SLC8A1: variants seen among roughly 807,000 people sequenced by gnomAD.
SLC8A1 encodes solute carrier family 8 member A1, also known as sodium/calcium exchanger 1.
In SLC8A1, 18 loss-of-function variants were observed where a neutral mutation model predicts 68.3. The ratio of observed to expected loss-of-function variants is 0.26; its 90% CI spans 0.18 to 0.39. The LOEUF (loss-of-function observed/expected upper bound fraction) is 0.39, where lower values mean the gene tolerates loss of function less well. Ranked by LOEUF, SLC8A1 falls within the 10% of genes least tolerant of loss-of-function variation. SLC8A1 has a pLI of 1.00. For synonymous variants in SLC8A1, 475 were observed against 415.5 expected, an observed-to-expected ratio of 1.14 and a Z score of -1.74; for missense variants, 985 against 1,156.7, an observed-to-expected ratio of 0.85 and a Z score of 2.15.
At chr2:40,356,421 A>T (rs1425830926) in intron 2 of SLC8A1, among the ~76,000 whole-genome samples, 1 of 152,194 alleles carries the variant, frequency 6.6e-6, no homozygotes, top group Non-Finnish European at 1.5e-5. Context: ...AAAACAATTT[A>T]TAATGCATTT....
intron 2 of SLC8A1, among the ~76,000 whole-genome samples, chr2:40,196,717 C>T (rs534435699): frequency 6.6e-4 from 101 of 152,114 alleles, no homozygotes; most frequent in African/African-American, 2.3e-3. Flanking sequence ...AAAAATAACC[C>T]TTTTCTTTCA....
chr2:40,434,031 C>G (rs1019813348), intron 1 of SLC8A1, among the ~76,000 whole-genome samples: 1 of 152,154 alleles, frequency 6.6e-6, no homozygotes, highest in African/African-American at 2.4e-5. Context: ...TGCCTGGCAA[C>G]CTCTTCCTGC....
chr2:40,235,266 A>T (rs990107962), intron 2 of SLC8A1, among the ~76,000 whole-genome samples: 5 of 152,114 alleles, frequency 3.3e-5, no homozygotes, highest in African/African-American at 1.2e-4. Flanking sequence ...AATTATTGCC[A>T]CAATTTCAGA....
intron 2 of SLC8A1, among the ~76,000 whole-genome samples, chr2:40,287,617 T>TGTGTGC (rs1316566001): frequency 4.0e-5 from 6 of 149,070 alleles, no homozygotes; most frequent in African/African-American, 1.3e-4. Context: ...TGTGTGTGTG[T>TGTGTGC]GTGCATGCAG....
At chr2:40,457,919 G>A (rs143986416) in intron 1 of SLC8A1, among the ~76,000 whole-genome samples, 1 of 152,270 alleles carries the variant, frequency 6.6e-6, no homozygotes, top group Non-Finnish European at 1.5e-5. Context: ...AGTACAAAGG[G>A]ATTTGCCGAA....
intron 2 of SLC8A1, among the ~76,000 whole-genome samples, chr2:40,379,011 C>A (rs972211542): frequency 1.3e-5 from 2 of 152,104 alleles, no homozygotes; most frequent in Non-Finnish European, 2.9e-5. Flanking sequence ...GGAATGTTCA[C>A]CCCATGAGGG....
At chr2:40,314,888 G>C (rs77558647) in intron 2 of SLC8A1, among the ~76,000 whole-genome samples, 2,696 of 152,008 alleles carry the variant, frequency 0.018, 86 homozygotes, top group African/African-American at 0.06. Context: ...AGTTTTAGTG[G>C]TTTTACAGAT....
intron 2 of SLC8A1, among the ~76,000 whole-genome samples, chr2:40,336,726 G>A (rs986963767): frequency 4.6e-5 from 7 of 151,942 alleles, no homozygotes; most frequent in South Asian, 2.1e-4. Context: ...AGCATGTTCC[G>A]CTTTAGGATG....
chr2:40,385,199 T>C (rs1451758259), intron 2 of SLC8A1, among the ~76,000 whole-genome samples: 1 of 151,994 alleles, frequency 6.6e-6, no homozygotes, highest in Non-Finnish European at 1.5e-5. Context: ...CTTAACTGTT[T>C]CTGCAAATAG....
chr2:40,413,387 T>C (rs1485842553), intron 2 of SLC8A1, among the ~76,000 whole-genome samples: 1 of 152,106 alleles, frequency 6.6e-6, no homozygotes, highest in African/African-American at 2.4e-5. Flanking sequence ...ATTAAAAAAA[T>C]GTGGCACATA....
chr2:40,259,407 C>A (rs527651953), intron 2 of SLC8A1, among the ~76,000 whole-genome samples: 10 of 152,202 alleles, frequency 6.6e-5, no homozygotes, highest in Non-Finnish European at 1.3e-4. Flanking sequence ...AAGGTAATAT[C>A]TTTTAATCCC....
intron 2 of SLC8A1, among the ~76,000 whole-genome samples, chr2:40,214,798 G>C (rs2057199928): frequency 6.6e-6 from 1 of 151,978 alleles, no homozygotes; most frequent in African/African-American, 2.4e-5. Context: ...AGAATTTCCA[G>C]GCCAACATTC....
rs1264926068 is a variant in SLC8A1 at position 40,154,568 on chromosome 2, C to T, written c.2161+6197G>A. ...GGTCTCGATCTTCTGACCTCATGAT[C>T]CGCCTGCCTCAGACTCCCAAAGTAT... On this transcript the variant is annotated intron_variant, in intron 6 of 7. Transcript: ENST00000406785. Among the ~76,000 whole-genome samples the T allele has an allele frequency of 2.7e-5, 4 of 148,866 alleles. No homozygotes were observed. In the Admixed American group the frequency reaches 2.7e-4, roughly 10 times the overall value.
chr2:40,425,074 G>A (rs909949049), intron 2 of SLC8A1, among the ~76,000 whole-genome samples: 1 of 151,726 alleles, frequency 6.6e-6, no homozygotes, highest in Non-Finnish European at 1.5e-5. Flanking sequence ...AGAATTCCCT[G>A]TTGTAAGTCA....
At chr2:40,253,432 G>A (rs2063327173) in intron 2 of SLC8A1, among the ~76,000 whole-genome samples, 1 of 151,854 alleles carries the variant, frequency 6.6e-6, no homozygotes, top group Non-Finnish European at 1.5e-5. Context: ...ATGCTAATTT[G>A]AAATAAGCAA....
chr2:40,471,626 CT>C (rs1421483680), intron 1 of SLC8A1, among the ~76,000 whole-genome samples: 6 of 152,100 alleles, frequency 3.9e-5, no homozygotes, highest in African/African-American at 1.4e-4. Flanking sequence ...AAGCACACCC[CT>C]CATTAAAATA....
intron 2 of SLC8A1, among the ~76,000 whole-genome samples, chr2:40,229,921 A>G (rs2059443656): frequency 2.0e-5 from 3 of 152,300 alleles, no homozygotes; most frequent in Admixed American, 2.0e-4. Context: ...AAATAAGTTC[A>G]TATCTTTTTT....
At chr2:40,394,453 G>C (rs1447845449) in intron 2 of SLC8A1, among the ~76,000 whole-genome samples, 1 of 151,850 alleles carries the variant, frequency 6.6e-6, no homozygotes, top group Non-Finnish European at 1.5e-5. Context: ...GTGTGTGTGT[G>C]TGCGTGTGTG....
chr2:40,177,675 G>C, intron 3 of SLC8A1: 6 of 876,610 alleles, frequency 6.8e-6, no homozygotes, highest in Non-Finnish European at 1.1e-5. Context: ...AGAGGAGAGA[G>C]TTAAGTGTGA....
Sources: gnomAD v4.1 joint callset for allele counts (sites outside exome capture counted in the v4.1 genomes callset) on GRCh38, gnomAD v4.1.1 for gene constraint, MANE v1.5 for transcripts, NCBI Gene and HGNC (gene_info 2026-07-23, HGNC 2026-07-21) for gene names.